The following FSTL4 variants were observed in gnomAD, a reference collection of about 807,000 sequenced individuals.
The protein encoded by FSTL4 is follistatin like 4, also known as follistatin-related protein 4.
In FSTL4, 28 loss-of-function variants were observed where a neutral mutation model predicts 78.2. The observed-to-expected ratio is 0.36, with a 90% CI of 0.27 to 0.49. The LOEUF is 0.49. FSTL4 is among the 20% of genes least tolerant of loss of function. FSTL4 has a pLI of 0.98. For synonymous variants in FSTL4, 422 were observed against 440.5 expected (o/e 0.96, Z 0.53); for missense variants, 922 against 1,084.9 (o/e 0.85, Z 2.11).
chr5:133,454,956 C>T (rs938360408), intron 3 of FSTL4, among the ~76,000 whole-genome samples: 3 of 152,242 alleles, frequency 2.0e-5, no homozygotes, highest in Admixed American at 6.5e-5. Flanking sequence ...AAACTGAGAT[C>T]GCCTTGAGGG....
chr5:133,696,943 C>T, the FSTL4 span, among the ~76,000 whole-genome samples: 1 of 152,206 alleles, frequency 6.6e-6, no homozygotes, highest in Admixed American at 6.5e-5. Context: ...CCCAAGCTTG[C>T]CTGTAGGAGA....
intron 6 of FSTL4, among the ~76,000 whole-genome samples, chr5:133,260,555 T>C (rs1752494974): frequency 6.6e-6 from 1 of 152,166 alleles, no homozygotes; most frequent in Non-Finnish European, 1.5e-5. Flanking sequence ...GCCTTCTTTT[T>C]GTAGAGGAAA....
intron 3 of FSTL4, among the ~76,000 whole-genome samples, chr5:133,554,770 T>C (rs1034586592): frequency 6.6e-6 from 1 of 152,176 alleles, no homozygotes; most frequent in Non-Finnish European, 1.5e-5. Flanking sequence ...TCTTGTTCAT[T>C]AGAAATTCTG....
the FSTL4 span, among the ~76,000 whole-genome samples, chr5:133,753,603 G>T: frequency 1.0e-3 from 156 of 152,202 alleles, no homozygotes; most frequent in African/African-American, 3.6e-3. Context: ...GTTCCAGCCA[G>T]CTGTACCACT....
intron 4 of FSTL4, among the ~76,000 whole-genome samples, chr5:133,378,893 A>G (rs771422795): frequency 6.6e-6 from 1 of 152,174 alleles, no homozygotes; most frequent in Non-Finnish European, 1.5e-5. Context: ...GAAGCAAAGT[A>G]AAATTTCAAA....
the FSTL4 span, among the ~76,000 whole-genome samples, chr5:133,775,645 G>C: frequency 6.6e-6 from 1 of 152,192 alleles, no homozygotes; most frequent in African/African-American, 2.4e-5. Flanking sequence ...AGCAGGCCCA[G>C]AAGGTGGAAG....
chr5:133,276,989 T>A (rs147197969), intron 6 of FSTL4, among the ~76,000 whole-genome samples: 106 of 152,130 alleles, frequency 7.0e-4, no homozygotes, highest in African/African-American at 2.4e-3. Flanking sequence ...AGTTCAAACA[T>A]AGGCAAAATT....
intron 4 of FSTL4, among the ~76,000 whole-genome samples, chr5:133,337,766 A>T (rs961748997): frequency 6.6e-5 from 10 of 152,238 alleles, no homozygotes; most frequent in Non-Finnish European, 1.0e-4. Flanking sequence ...AACATGCTCC[A>T]AGTAGCTAAG....
At chr5:133,620,771 A>G in the FSTL4 span, among the ~76,000 whole-genome samples, 1 of 152,186 alleles carries the variant, frequency 6.6e-6, no homozygotes, top group African/African-American at 2.4e-5. Context: ...ACAGGCTTTC[A>G]GTCTTTTATT....
At chr5:133,743,229 A>G in the FSTL4 span, among the ~76,000 whole-genome samples, 1 of 152,204 alleles carries the variant, frequency 6.6e-6, no homozygotes, top group Non-Finnish European at 1.5e-5. Flanking sequence ...TGAGACTAGG[A>G]GAAGGCAAAG....
the FSTL4 span, among the ~76,000 whole-genome samples, chr5:133,689,524 G>T: frequency 6.6e-6 from 1 of 152,124 alleles, no homozygotes; most frequent in Admixed American, 6.5e-5. Flanking sequence ...TTATTTATTT[G>T]GTCTACAGAT....
At chr5:133,216,360 G>A (rs532009729) in intron 13 of FSTL4, among the ~76,000 whole-genome samples, 7 of 151,426 alleles carry the variant, frequency 4.6e-5, no homozygotes, top group South Asian at 2.1e-4. Context: ...GTGTGATCTC[G>A]GCTCACTGCA....
chr5:133,614,208 A>G (rs256241), upstream of FSTL4, among the ~76,000 whole-genome samples: 133,370 of 152,188 alleles, frequency 0.88, 58,509 homozygotes, highest in East Asian at 0.97. Flanking sequence ...CCCTGAGTCA[A>G]CCTAGTGGCC....
intron 3 of FSTL4, among the ~76,000 whole-genome samples, chr5:133,564,840 G>A (rs1032383600): frequency 1.7e-4 from 26 of 152,158 alleles, no homozygotes; most frequent in African/African-American, 6.0e-4. Context: ...CCCTACTGTC[G>A]CTAGTTCCCA....
intron 3 of FSTL4, among the ~76,000 whole-genome samples, chr5:133,543,816 T>C (rs1759522229): frequency 6.6e-6 from 1 of 152,128 alleles, no homozygotes; most frequent in Non-Finnish European, 1.5e-5. Context: ...TATTTTGTAT[T>C]TTCTATTTTT....
At chr5:133,341,829 A>AT (rs1306039889) in intron 4 of FSTL4, among the ~76,000 whole-genome samples, 2 of 152,190 alleles carry the variant, frequency 1.3e-5, no homozygotes, top group African/African-American at 4.8e-5. Flanking sequence ...GTCATCCATG[A>AT]TGCAAGAACA....
At chr5:133,797,267 G>A in the FSTL4 span, among the ~76,000 whole-genome samples, 1 of 152,242 alleles carries the variant, frequency 6.6e-6, no homozygotes, top group African/African-American at 2.4e-5. Context: ...TGAAGCAGGG[G>A]CTTCCAAGTT....
At chr5:133,293,656 T>C (rs1471840101) in intron 6 of FSTL4, among the ~76,000 whole-genome samples, 3 of 152,058 alleles carry the variant, frequency 2.0e-5, no homozygotes, top group Non-Finnish European at 4.4e-5. Flanking sequence ...ACTCTCTCCA[T>C]CCTACTGTAT....
At chr5:133,773,837 T>C in the FSTL4 span, among the ~76,000 whole-genome samples, 1 of 152,152 alleles carries the variant, frequency 6.6e-6, no homozygotes, top group African/African-American at 2.4e-5. Context: ...GCCTTAAAAA[T>C]AGAATTTGAA....
Sources: gnomAD v4.1 joint callset for allele counts (sites outside exome capture counted in the v4.1 genomes callset) on GRCh38, gnomAD v4.1.1 for gene constraint, MANE v1.5 for transcripts, NCBI Gene and HGNC (gene_info 2026-07-23, HGNC 2026-07-21) for gene names.